Variants in ITGB3BP observed in about 807,000 individuals in gnomAD.
The protein encoded by ITGB3BP is integrin subunit beta 3 binding protein, also known as centromere protein R.
A neutral mutation model predicts 29.1 loss-of-function variants in ITGB3BP; 27 were observed. The ratio of observed to expected loss-of-function variants is 0.93; its 90% CI spans 0.68 to 1.28. The LOEUF (loss-of-function observed/expected upper bound fraction) is 1.28. Ranked by LOEUF, ITGB3BP falls within the 50% of genes most tolerant of loss-of-function variation. ITGB3BP has a pLI of 0.00. For missense variants in ITGB3BP, 192 were observed against 200.2 expected, an observed-to-expected ratio of 0.96 and a Z score of 0.25; for synonymous variants, 61 against 61.4, an observed-to-expected ratio of 0.99 and a Z score of 0.03.
chr1:63,522,108 T>C (rs1268999490), intron 1 of ITGB3BP, among the ~76,000 whole-genome samples: 2 of 152,260 alleles, frequency 1.3e-5, no homozygotes, highest in African/African-American at 4.8e-5. Flanking sequence ...GAACACCCTA[T>C]TAGGTGATGG....
At chr1:63,496,704 A>G (rs1645796901) in intron 2 of ITGB3BP, among the ~76,000 whole-genome samples, 1 of 152,190 alleles carries the variant, frequency 6.6e-6, no homozygotes, top group Non-Finnish European at 1.5e-5. Context: ...TTATGTCAAT[A>G]AGGGCTGGCT....
At chr1:63,469,405 C>A (rs1032060925) in intron 4 of ITGB3BP, among the ~76,000 whole-genome samples, 1 of 152,042 alleles carries the variant, frequency 6.6e-6, no homozygotes, top group Non-Finnish European at 1.5e-5. Context: ...CGGCTCACCA[C>A]AACCTCTGCC....
At chr1:63,485,932 T>C (rs1645520145) in intron 3 of ITGB3BP, among the ~76,000 whole-genome samples, 1 of 152,066 alleles carries the variant, frequency 6.6e-6, no homozygotes, top group Admixed American at 6.6e-5. Context: ...TGCCCAGACT[T>C]AGCATGCTAC....
chr1:63,523,460 C>T (rs758505517), upstream of ITGB3BP: 66 of 425,620 alleles, frequency 1.6e-4, no homozygotes, highest in Non-Finnish European at 2.3e-4. Flanking sequence ...TCAGCGCTTC[C>T]TAGATTTCTA....
At chr1:63,498,695 A>G (rs1010660219) in intron 2 of ITGB3BP, among the ~76,000 whole-genome samples, 1 of 151,954 alleles carries the variant, frequency 6.6e-6, no homozygotes, top group Non-Finnish European at 1.5e-5. Context: ...AAGGAAAAAA[A>G]AAAAGACAAT....
chr1:63,518,050 T>C (rs1473720260), intron 1 of ITGB3BP, among the ~76,000 whole-genome samples: 1 of 152,102 alleles, frequency 6.6e-6, no homozygotes, highest in Admixed American at 6.5e-5. Context: ...ACACTATGGG[T>C]GTTTTTCTGT....
At chr1:63,472,728 C>T (rs1049141912) in intron 4 of ITGB3BP, among the ~76,000 whole-genome samples, 5 of 151,740 alleles carry the variant, frequency 3.3e-5, no homozygotes, top group Admixed American at 6.5e-5. Context: ...CCGCCAGCCT[C>T]GGCCTCCCGA....
At chr1:63,460,659 G>A (rs1645002023) in intron 4 of ITGB3BP, among the ~76,000 whole-genome samples, 1 of 152,108 alleles carries the variant, frequency 6.6e-6, no homozygotes, top group Non-Finnish European at 1.5e-5. Context: ...CATATACCTA[G>A]GAGTGAAATT....
At chr1:63,507,457 T>G (rs11208231) in intron 2 of ITGB3BP, among the ~76,000 whole-genome samples, 33,059 of 151,996 alleles carry the variant, frequency 0.22, 4,222 homozygotes, top group African/African-American at 0.36. Context: ...TAAACAATGT[T>G]ACCATCTCCC....
At chr1:63,473,193 T>C (rs1410806530) in intron 4 of ITGB3BP, among the ~76,000 whole-genome samples, 1 of 151,680 alleles carries the variant, frequency 6.6e-6, no homozygotes, top group South Asian at 2.1e-4. Flanking sequence ...GAGGAGCGTC[T>C]CTGCCCGGCC....
rs1204734066 is a variant in ITGB3BP at position 63,446,885 on chromosome 1, T to C, written c.485-29A>G. On this transcript the variant is annotated intron_variant, in intron 7 of 8. Coordinates refer to ENST00000271002, the MANE Select transcript of ITGB3BP (RefSeq NM_014288.5). Reference sequence around the variant, plus strand: ...TATGAAAGAAGAAAGGTTTTTTTTTTCAGAAAACAATTCAAAGCAACTTGC... The same window carrying C: ...TATGAAAGAAGAAAGGTTTTTTTTTCCAGAAAACAATTCAAAGCAACTTGC... 4 of 1,542,234 alleles carry C rather than the reference T, an allele frequency of 2.6e-6. No individual in the cohort carries two copies. In the African/African-American group the frequency reaches 4.3e-5, roughly 17 times the overall value.
At chr1:63,497,986 A>C (rs1424493546) in intron 2 of ITGB3BP, among the ~76,000 whole-genome samples, 1 of 152,192 alleles carries the variant, frequency 6.6e-6, no homozygotes, top group Non-Finnish European at 1.5e-5. Context: ...GGGGAAAAAA[A>C]CAAAAAACAA....
chr1:63,470,938 T>A (rs1033333349), intron 4 of ITGB3BP, among the ~76,000 whole-genome samples: 1 of 152,206 alleles, frequency 6.6e-6, no homozygotes, highest in African/African-American at 2.4e-5. Context: ...ATTTTCCTTC[T>A]TTTCTATTTT....
At chr1:63,509,495 C>T (rs565084433) in intron 1 of ITGB3BP, among the ~76,000 whole-genome samples, 1 of 152,128 alleles carries the variant, frequency 6.6e-6, no homozygotes, top group East Asian at 1.9e-4. Flanking sequence ...ACAGAAATCC[C>T]CCAAAAGTTT....
At chr1:63,466,139 C>T (rs1349493512) in intron 4 of ITGB3BP, among the ~76,000 whole-genome samples, 1 of 152,202 alleles carries the variant, frequency 6.6e-6, no homozygotes, top group Non-Finnish European at 1.5e-5. Context: ...CATCGCCTTC[C>T]ATGGAGCCAT....
intron 1 of ITGB3BP, among the ~76,000 whole-genome samples, chr1:63,509,152 A>G (rs537059517): frequency 6.6e-6 from 1 of 152,306 alleles, no homozygotes; most frequent in African/African-American, 2.4e-5. Context: ...TGTTTCCTTC[A>G]CTAAACTGAT....
intron 1 of ITGB3BP, among the ~76,000 whole-genome samples, chr1:63,514,833 C>T (rs1646274648): frequency 6.6e-6 from 1 of 151,608 alleles, no homozygotes; most frequent in African/African-American, 2.4e-5. Context: ...GTAGTCCCCG[C>T]TACTCGGGAG....
intron 4 of ITGB3BP, among the ~76,000 whole-genome samples, chr1:63,477,849 A>G (rs1190683641): frequency 6.6e-6 from 1 of 152,192 alleles, no homozygotes; most frequent in African/African-American, 2.4e-5. Flanking sequence ...CATATGCACT[A>G]CTTTGAAAAT....
In ITGB3BP at chr1:63,446,844, A is replaced by G; in HGVS notation, c.497T>C (p.Leu166Pro). The change falls in exon 8 of 9, where the codon CTT becomes CCT. Residue 166 changes from leucine (L) to proline (P), a missense_variant. Coordinates refer to ENST00000271002, the MANE Select transcript of ITGB3BP (RefSeq NM_014288.5). Reference protein sequence around the residue: ...TGLPHKASRHLDSYEFLKAIL... With the variant: ...TGLPHKASRHPDSYEFLKAIL... ...GGCTTTAAGGAATTCATAGCTGTCA[A>G]GATGACGTGATGCTATATGAAAGAA... The G allele has an allele frequency of 6.2e-7, 1 of 1,611,368 alleles. No individual in the cohort carries two copies. Among genetic ancestry groups the G allele is most frequent in the South Asian group, 1.1e-5 (1 of 90,946 alleles).
Sources: gnomAD v4.1 joint callset for allele counts (sites outside exome capture counted in the v4.1 genomes callset) on GRCh38, gnomAD v4.1.1 for gene constraint, MANE v1.5 for transcripts, NCBI Gene and HGNC (gene_info 2026-07-23, HGNC 2026-07-21) for gene names.